SMC6: variants seen among roughly 807,000 people sequenced by gnomAD.
The protein encoded by SMC6 is structural maintenance of chromosomes 6, also known as structural maintenance of chromosomes protein 6.
SMC6 carries 79 observed loss-of-function variants against 142.2 expected under a neutral mutation model. That is an observed-to-expected ratio of 0.56 (90% CI 0.46 to 0.67). SMC6 has a LOEUF of 0.67. Ranked by LOEUF, SMC6 falls within the 30% of genes least tolerant of loss-of-function variation. The pLI, the probability that SMC6 is intolerant of heterozygous loss-of-function variation, is 0.00. For missense variants in SMC6, 1,072 were observed against 1,284.0 expected (o/e 0.83, Z 2.52); for synonymous variants, 411 against 412.4 (o/e 1.00, Z 0.04).
At chr2:17,690,772 G>A (rs543336772) in intron 23 of SMC6, among the ~76,000 whole-genome samples, 1 of 152,148 alleles carries the variant, frequency 6.6e-6, no homozygotes, top group South Asian at 2.1e-4. Context: ...CTCAATGTAA[G>A]AGAAACGTAC....
intron 4 of SMC6, among the ~76,000 whole-genome samples, chr2:17,740,215 G>C (rs1345086397): frequency 1.3e-5 from 2 of 152,068 alleles, no homozygotes; most frequent in Non-Finnish European, 2.9e-5. Context: ...TTTATTTCTT[G>C]TCCCATGTGA....
chr2:17,752,008 T>C (rs6531052), intron 2 of SMC6, among the ~76,000 whole-genome samples: 80,757 of 152,054 alleles, frequency 0.53, 23,788 homozygotes, highest in African/African-American at 0.77. Flanking sequence ...TTAACATGAC[T>C]TGTGTACTTT....
chr2:17,751,439 G>A (rs186453808), intron 2 of SMC6, among the ~76,000 whole-genome samples: 2 of 149,506 alleles, frequency 1.3e-5, no homozygotes, highest in African/African-American at 2.5e-5. Flanking sequence ...CTCCAACCTC[G>A]GCGACAAGAG....
chr2:17,673,044 C>T (rs141495517), intron 25 of SMC6, among the ~76,000 whole-genome samples: 22 of 152,260 alleles, frequency 1.4e-4, no homozygotes, highest in African/African-American at 4.6e-4. Flanking sequence ...ATGAGAGTTG[C>T]AATTCCACAT....
chr2:17,740,850 AAAAAAACAAAAAAC>A (rs1670431226), intron 4 of SMC6: 1 of 224,732 alleles, frequency 4.4e-6, no homozygotes, highest in Non-Finnish European at 8.9e-6. Context: ...ACTCTGTCTC[AAAAAAACAAAAAAC>A]AAAAAAACAA....
chr2:17,722,061 G>A (rs1669397927), intron 9 of SMC6, among the ~76,000 whole-genome samples: 1 of 152,016 alleles, frequency 6.6e-6, no homozygotes, highest in Non-Finnish European at 1.5e-5. Context: ...CCTGAACACT[G>A]TAGACCTTAC....
At chr2:17,752,038 C>T (rs573744342) in intron 2 of SMC6, among the ~76,000 whole-genome samples, 1 of 152,322 alleles carries the variant, frequency 6.6e-6, no homozygotes, top group East Asian at 1.9e-4. Flanking sequence ...TCAATACTAA[C>T]TGGTTTATAC....
In SMC6 at chr2:17,666,633, A is replaced by G; in HGVS notation, c.3064-116T>C. Reference sequence around the variant, plus strand: ...TTTTCATCCAGGGATCAGTCATTACATTATCTATGATGTCCAAGAAATCTA... The same window carrying G: ...TTTTCATCCAGGGATCAGTCATTACGTTATCTATGATGTCCAAGAAATCTA... On this transcript the variant is annotated intron_variant, in intron 26 of 27. Coordinates refer to ENST00000448223, the MANE Select transcript of SMC6 (RefSeq NM_001142286.2). 33 of 698,002 alleles carry G rather than the reference A, an allele frequency of 4.7e-5. No homozygotes were observed. In the South Asian group the frequency reaches 5.0e-4, roughly 11 times the overall value. The allele number at this position is 698,002 out of a possible 1,614,324, so 43.2% of individuals were successfully genotyped here. A position where few individuals can be genotyped will look rare whatever the true frequency, so the allele number is the denominator to read the frequency against.
chr2:17,700,429 C>A, intron 20 of SMC6, 51 bp from the exon 21 acceptor site: 1 of 1,373,168 alleles, frequency 7.3e-7, no homozygotes, highest in African/African-American at 1.5e-5. Context: ...TTTAAGTTTT[C>A]AAATAGAAGA....
intron 16 of SMC6, among the ~76,000 whole-genome samples, chr2:17,709,017 A>G (rs929144248): frequency 1.3e-5 from 2 of 152,068 alleles, no homozygotes; most frequent in African/African-American, 2.4e-5. Context: ...TTCAATCCTC[A>G]TAACAACCAC....
intron 4 of SMC6, among the ~76,000 whole-genome samples, chr2:17,740,147 T>C (rs1423192117): frequency 6.6e-6 from 1 of 152,214 alleles, no homozygotes; most frequent in East Asian, 1.9e-4. Flanking sequence ...TATTAGGTTT[T>C]ATTAATAAAA....
intron 17 of SMC6, among the ~76,000 whole-genome samples, chr2:17,708,016 ACACACACAC>A (rs1028829904): frequency 1.1e-4 from 17 of 151,878 alleles, no homozygotes; most frequent in African/African-American, 4.1e-4. Flanking sequence ...ACACACACAC[ACACACACAC>A]ATTTGAGTTA....
intron 25 of SMC6, among the ~76,000 whole-genome samples, chr2:17,672,803 C>T (rs969830989): frequency 3.3e-5 from 5 of 152,114 alleles, no homozygotes; most frequent in African/African-American, 7.2e-5. Flanking sequence ...AACAGTATGT[C>T]GCTGTTTGAA....
chr2:17,711,127 A>G (rs1461381554), intron 16 of SMC6, among the ~76,000 whole-genome samples: 2 of 152,138 alleles, frequency 1.3e-5, no homozygotes, highest in African/African-American at 2.4e-5. Context: ...ACTAGGAAGG[A>G]GTCACCATTT....
chr2:17,734,480 G>A (rs982701594), intron 5 of SMC6, among the ~76,000 whole-genome samples: 2 of 151,426 alleles, frequency 1.3e-5, no homozygotes, highest in African/African-American at 4.9e-5. Context: ...AGGGCGGCTG[G>A]CCTCTGATAA....
intron 9 of SMC6, 86 bp from the exon 10 acceptor site, chr2:17,721,347 G>T: frequency 2.3e-6 from 3 of 1,282,814 alleles, no homozygotes; most frequent in Non-Finnish European, 3.1e-6. Flanking sequence ...TAAAAACAAT[G>T]CCTAAACAAG....
intron 24 of SMC6, chr2:17,680,733 A>T (rs1189704813): frequency 6.6e-6 from 1 of 152,200 alleles, no homozygotes; most frequent in Non-Finnish European, 1.5e-5. Flanking sequence ...TAAAATATTC[A>T]GTAATCCATG....
At chr2:17,718,043 C>T (rs1669187448) in intron 12 of SMC6, 34 bp downstream of exon 12, 1 of 1,576,584 alleles carries the variant, frequency 6.3e-7, no homozygotes, top group South Asian at 1.2e-5. Flanking sequence ...TGCTGTGTGG[C>T]TTTTAAAATT....
chr2:17,726,563 C>A, intron 7 of SMC6, 94 bp from the exon 8 acceptor site: 3 of 990,182 alleles, frequency 3.0e-6, no homozygotes, highest in South Asian at 1.7e-5. Context: ...ACCTATGGTG[C>A]CATCAGGAAG....
Sources: gnomAD v4.1 joint callset for allele counts (sites outside exome capture counted in the v4.1 genomes callset) on GRCh38, gnomAD v4.1.1 for gene constraint, MANE v1.5 for transcripts, NCBI Gene and HGNC (gene_info 2026-07-23, HGNC 2026-07-21) for gene names.